The following HIPK2 variants were observed in gnomAD, a reference collection of about 807,000 sequenced individuals.
HIPK2 encodes homeodomain interacting protein kinase 2, also known as homeodomain-interacting protein kinase 2.
Under a neutral mutation model 113.7 loss-of-function variants are expected in HIPK2, and 27 were observed. The observed-to-expected ratio is 0.24, with a 90% CI of 0.17 to 0.33. HIPK2 has a LOEUF of 0.33. Among genes scored for constraint, HIPK2 ranks in the 10% least tolerant of loss-of-function variants. HIPK2 has a pLI of 1.00. For missense variants in HIPK2, 1,257 were observed against 1,588.0 expected (o/e 0.79, Z 3.54); for synonymous variants, 631 against 642.2 (o/e 0.98, Z 0.26).
chr7:139,573,316 G>A lies in HIPK2; in HGVS notation c.3208C>T (p.Pro1070Ser), dbSNP rs1230019347. 5 of 1,605,448 alleles carry A rather than the reference G, an allele frequency of 3.1e-6. No homozygotes were observed. Among genetic ancestry groups the A allele is most frequent in the African/African-American group, 1.3e-5 (1 of 74,888 alleles). ...GGGCTGTTGTGCGGGAAGGAGTACG[G>A]AGCCTGGGCCATGGTGGGAGTGATG... ...AYITPTMAQA[P>S]YSFPHNSPSH... Residue 1070 changes from proline (P) to serine (S), a missense_variant, in exon 15 of 15, where the codon CCG becomes TCG. Coordinates refer to ENST00000406875, the MANE Select transcript of HIPK2 (RefSeq NM_022740.5).
At chr7:139,661,715 C>A (rs922007394) in intron 2 of HIPK2, among the ~76,000 whole-genome samples, 1 of 152,132 alleles carries the variant, frequency 6.6e-6, no homozygotes, top group African/African-American at 2.4e-5. Flanking sequence ...ATCACACACA[C>A]AAAAAAATCT....
At chr7:139,661,559 C>A (rs117095933) in intron 2 of HIPK2, among the ~76,000 whole-genome samples, 7,598 of 152,218 alleles carry the variant, frequency 0.05, 302 homozygotes, top group South Asian at 0.18. Context: ...TAACAGCCCA[C>A]CCACAATACA....
chr7:139,742,814 A>T (rs1001523827), intron 1 of HIPK2, among the ~76,000 whole-genome samples: 2 of 152,234 alleles, frequency 1.3e-5, no homozygotes, highest in African/African-American at 4.8e-5. Context: ...CTCCCCTTTA[A>T]AATAAGTCAG....
rs114609832 is a variant in HIPK2 at position 139,773,427 on chromosome 7, C to T, written c.19+4178G>A. ...TTATATAAAGTCTACTGCCATTATTCTGAAGCCCGTCTTTGACACCAACCC... is the reference window on the plus strand; with the variant it reads ...TTATATAAAGTCTACTGCCATTATTTTGAAGCCCGTCTTTGACACCAACCC... On this transcript the variant is annotated intron_variant, in intron 1 of 14. Transcript: ENST00000406875. Among the ~76,000 whole-genome samples, 792 of 152,306 alleles carry T rather than the reference C, an allele frequency of 5.2e-3. 3 individuals are homozygous for T. The highest frequency in any genetic ancestry group is 0.018 in the African/African-American group (751 of 41,556).
Position 139,572,942 on chromosome 7 carries a change from C to T in HIPK2, c.3582G>A (p.Gln1194=), listed in dbSNP as rs1283068852. The T allele has an allele frequency of 9.0e-7, 1 of 1,109,576 alleles. No individual in the cohort carries two copies. Among genetic ancestry groups the T allele is most frequent in the Non-Finnish European group, 1.2e-6 (1 of 814,258 alleles). The allele number at this position is 1,109,576 out of a possible 1,614,324, so 68.7% of individuals were successfully genotyped here. The change falls in exon 15 of 15, where the codon CAG becomes CAA. Residue 1194 remains glutamine (Q), a synonymous_variant. Transcript: ENST00000406875. The stretch of plus-strand genomic sequence containing the variant: ...CCTCCAGTGTTTATATGTAAGGGTA[C>T]TGGTTGACCTTGGCGGGGCTCAGTG... ...GYPLSPAKVN[Q]YPYI
At chr7:139,642,057 TA>T (rs1366600434) in intron 2 of HIPK2, among the ~76,000 whole-genome samples, 101 of 152,352 alleles carry the variant, frequency 6.6e-4, no homozygotes, top group African/African-American at 1.9e-3. Flanking sequence ...GACACTCTAT[TA>T]GTCCATGGTA....
At position 139,716,643 on chromosome 7, in the gene HIPK2, A is replaced by G; in HGVS notation, c.392T>C (p.Leu131Pro). ...SLLDTYQKCG[L>P]KRKSEEIENT... Reference sequence around the variant, plus strand: ...CTCGATCTCCTCGCTCTTACGCTTGAGTCCACATTTTTGGTAGGTATCAAG... The same window carrying G: ...CTCGATCTCCTCGCTCTTACGCTTGGGTCCACATTTTTGGTAGGTATCAAG... Residue 131 changes from leucine (L) to proline (P), a missense_variant, in exon 2 of 15, where the codon CTC becomes CCC. Around this residue, in one of 5 missense-constraint regions of HIPK2, gnomAD observed 209 missense variants for 237.8 expected, o/e 0.88. Coordinates refer to ENST00000406875, the MANE Select transcript of HIPK2 (RefSeq NM_022740.5). This position sits in a 1 kb window ranked among gnomAD's most constrained non-coding sequence, Gnocchi z 9.3. The G allele has an allele frequency of 6.2e-7, 1 of 1,613,962 alleles. No homozygotes were observed. The highest frequency in any genetic ancestry group is 8.5e-7 in the Non-Finnish European group (1 of 1,179,884).
intron 2 of HIPK2, among the ~76,000 whole-genome samples, chr7:139,659,075 G>A (rs1411088639): frequency 2.6e-5 from 4 of 152,154 alleles, no homozygotes; most frequent in Non-Finnish European, 5.9e-5. Flanking sequence ...ATGTGGTATT[G>A]GCATTGGCTG....
chr7:139,710,208 T>A (rs893184152), intron 2 of HIPK2, among the ~76,000 whole-genome samples: 2 of 152,138 alleles, frequency 1.3e-5, no homozygotes, highest in African/African-American at 4.8e-5. Context: ...TATTCAAAAC[T>A]CTCTATTGTC....
chr7:139,745,778 C>T (rs1166247572), intron 1 of HIPK2, among the ~76,000 whole-genome samples: 5 of 152,142 alleles, frequency 3.3e-5, no homozygotes, highest in South Asian at 2.1e-4. Context: ...CTCCACTTGC[C>T]GGCTGGAATC....
At chr7:139,641,395 C>G (rs1481514614) in intron 2 of HIPK2, among the ~76,000 whole-genome samples, 1 of 148,960 alleles carries the variant, frequency 6.7e-6, no homozygotes, top group East Asian at 2.0e-4. Context: ...AGGAATAAAA[C>G]TCCCTATCCA....
At position 139,583,947 on chromosome 7, in the gene HIPK2, G is replaced by T. The variant is rs1798753007; in HGVS notation, c.2835C>A (p.Asn945Lys). The T allele has an allele frequency of 6.2e-7, 1 of 1,613,936 alleles. No individual in the cohort carries two copies. Among genetic ancestry groups the T allele is most frequent in the African/African-American group, 1.3e-5 (1 of 74,926 alleles). ...CCTTGGTGTCAAAGGCATTGGCATT[G>T]TTGTGCCCAGCACGCTGCTGCACGG... is the stretch of plus-strand genomic sequence containing the variant. The part of the protein sequence containing the change: ...PYSVQQRAGH[N>K]NANAFDTKGS... Residue 945 changes from asparagine (N) to lysine (K), a missense_variant, in exon 13 of 15, where the codon AAC (asparagine) becomes AAA (lysine). Physicochemically the swap from Asn to Lys is moderately conservative, Grantham distance 94 (BLOSUM62 0). This residue lies in a region of HIPK2 where 862 missense variants were observed against 1,004.3 expected (regional missense o/e 0.86). Transcript: ENST00000406875.
rs539454265 is a variant in HIPK2, at chr7:139,683,347, G to A, written c.1103+32585C>T. 4.6e-5 allele frequency among the ~76,000 whole-genome samples: 7 copies of A among 152,250 alleles called. No homozygotes were observed. Among genetic ancestry groups the A allele is most frequent in the South Asian group, 2.1e-4 (1 of 4,820 alleles). On this transcript the variant is annotated intron_variant, in intron 2 of 14. Transcript: ENST00000406875. This position sits in a 1 kb window ranked among gnomAD's most constrained non-coding sequence, Gnocchi z 4.2. The stretch of plus-strand genomic sequence containing the variant: ...TGCTCTAGGCCAGTGCTTCAGCAGC[G>A]GCCTAGCCGGGTCTGGTGCAGGGTC...
chr7:139,738,193 A>C (rs1795993463), intron 1 of HIPK2, among the ~76,000 whole-genome samples: 1 of 152,276 alleles, frequency 6.6e-6, no homozygotes, highest in Non-Finnish European at 1.5e-5. Flanking sequence ...GTCAACTGAC[A>C]AAACTGGAAT....
At chr7:139,735,542 C>G (rs1015532326) in intron 1 of HIPK2, among the ~76,000 whole-genome samples, 1 of 152,212 alleles carries the variant, frequency 6.6e-6, no homozygotes, top group Non-Finnish European at 1.5e-5. Context: ...AAGCACCACC[C>G]CAAGAGTGGC....
At chr7:139,715,753 G>T in intron 2 of HIPK2, 179 bp downstream of exon 2, 1 of 514,234 alleles carries the variant, frequency 1.9e-6, no homozygotes, top group Non-Finnish European at 2.5e-6. Flanking sequence ...CCGTTCTAAT[G>T]TGACTTCTAA....
intron 2 of HIPK2, among the ~76,000 whole-genome samples, chr7:139,657,294 C>T (rs977931055): frequency 6.6e-6 from 1 of 152,190 alleles, no homozygotes; most frequent in Non-Finnish European, 1.5e-5. Context: ...GGAGGTACTA[C>T]GTCAGTCAGA....
At chr7:139,673,437 G>A (rs1022846355) in intron 2 of HIPK2, among the ~76,000 whole-genome samples, 2 of 152,122 alleles carry the variant, frequency 1.3e-5, no homozygotes, top group Non-Finnish European at 2.9e-5. Context: ...CTGAGCATAC[G>A]GCCAAATTCC....
intron 2 of HIPK2, among the ~76,000 whole-genome samples, chr7:139,659,569 C>A (rs13438674): frequency 6.6e-6 from 1 of 152,190 alleles, no homozygotes; most frequent in Non-Finnish European, 1.5e-5. Context: ...TTAATATGGT[C>A]GTCACTGTCA....
Sources: gnomAD v4.1 joint callset for allele counts (sites outside exome capture counted in the v4.1 genomes callset) on GRCh38, gnomAD v4.1.1 for gene constraint, gnomAD v4.1.1 regional missense constraint, Gnocchi (gnomAD v3.1) non-coding constraint, MANE v1.5 for transcripts, NCBI Gene and HGNC (gene_info 2026-07-23, HGNC 2026-07-21) for gene names.